The following NRG1 variants were observed in gnomAD, a reference collection of about 807,000 sequenced individuals.
NRG1 encodes the protein neuregulin 1.
Under a neutral mutation model 63.8 loss-of-function variants are expected in NRG1, and 18 were observed. The observed-to-expected ratio is 0.28, with a 90% confidence interval of 0.19 to 0.42. The LOEUF is 0.42. Ranked by LOEUF, NRG1 falls within the 10% of genes least tolerant of loss-of-function variation. The pLI is 1.00. For missense variants in NRG1, 762 were observed against 814.7 expected (o/e 0.94, Z 0.79); for synonymous variants, 302 against 301.3 (o/e 1.00, Z -0.02).
chr8:32,602,557 T>C (rs1844566159), intron 2 of NRG1, among the ~76,000 whole-genome samples: 1 of 152,108 alleles, frequency 6.6e-6, no homozygotes, highest in Non-Finnish European at 1.5e-5. Context: ...GAGTTGTAAA[T>C]TCTTGGGATG....
intron 6 of NRG1, among the ~76,000 whole-genome samples, chr8:32,737,660 T>A (rs1825410628): frequency 6.6e-6 from 1 of 151,180 alleles, no homozygotes; most frequent in Admixed American, 6.6e-5. Flanking sequence ...ATCAATTAAC[T>A]GTATGACAAT....
chr8:32,050,698 G>T (rs1412028258), intron 1 of NRG1, among the ~76,000 whole-genome samples: 6 of 152,070 alleles, frequency 3.9e-5, no homozygotes, highest in Non-Finnish European at 8.8e-5. Context: ...CTGAGACTAT[G>T]GTGGCCAGTC....
At chr8:32,062,929 G>C (rs1408446380) in intron 1 of NRG1, among the ~76,000 whole-genome samples, 1 of 151,988 alleles carries the variant, frequency 6.6e-6, no homozygotes, top group Admixed American at 6.6e-5. Flanking sequence ...AAAAAACTTT[G>C]AGGACAATCT....
intron 1 of NRG1, among the ~76,000 whole-genome samples, chr8:32,225,546 C>A (rs1563926753): frequency 6.6e-6 from 1 of 151,978 alleles, no homozygotes; most frequent in Non-Finnish European, 1.5e-5. Flanking sequence ...GAGAAGCAAG[C>A]CTTGGAAATA....
intron 1 of NRG1, among the ~76,000 whole-genome samples, chr8:32,011,515 C>T (rs748540272): frequency 1.4e-4 from 21 of 152,186 alleles, no homozygotes; most frequent in South Asian, 4.1e-4. Flanking sequence ...GACTTTAATC[C>T]GCTCTTTTCT....
intron 6 of NRG1, among the ~76,000 whole-genome samples, chr8:32,739,806 G>C (rs1193447795): frequency 6.6e-6 from 1 of 151,984 alleles, no homozygotes; most frequent in East Asian, 1.9e-4. Context: ...ATTGTGTGGT[G>C]TGTGTGTGTG....
rs569138258 is a variant in NRG1, at chr8:31,972,184, C to T, written c.37+332753C>T. Among the ~76,000 whole-genome samples, 3 of 152,246 alleles carry T rather than the reference C, an allele frequency of 2.0e-5. No homozygotes were observed. The South Asian group carries it at 6.2e-4, about 32-fold the overall frequency. ...CAGAGGCTTCTCCCCTTGAGCTGCT[C>T]ACAATTTACCCCTCCTTCTAACTCA... On this transcript the variant is annotated intron_variant, in intron 1 of 10. Coordinates refer to the NRG1 transcript ENST00000519301.
chr8:31,989,713 C>T (rs145545078), intron 1 of NRG1, among the ~76,000 whole-genome samples: 2 of 152,074 alleles, frequency 1.3e-5, no homozygotes, highest in Non-Finnish European at 2.9e-5. Context: ...TCATGCCCTA[C>T]TATTTCTTTT....
intron 1 of NRG1, among the ~76,000 whole-genome samples, chr8:32,062,879 T>G (rs961434219): frequency 5.3e-5 from 8 of 152,070 alleles, no homozygotes; most frequent in African/African-American, 1.2e-4. Flanking sequence ...GGGGTTGAAA[T>G]TGCTCTAATT....
At chr8:31,847,862 T>C (rs1384926952) in intron 1 of NRG1, among the ~76,000 whole-genome samples, 1 of 152,218 alleles carries the variant, frequency 6.6e-6, no homozygotes, top group East Asian at 1.9e-4. Context: ...ACATTGAACA[T>C]AATACCCTGT....
chr8:31,729,332 A>G (rs1279313833), intron 1 of NRG1, among the ~76,000 whole-genome samples: 1 of 152,058 alleles, frequency 6.6e-6, no homozygotes, highest in Non-Finnish European at 1.5e-5. Flanking sequence ...AACATGTATT[A>G]TGCCCACTCA....
chr8:31,934,625 GTTA>G (rs1358354934), intron 1 of NRG1, among the ~76,000 whole-genome samples: 2 of 151,506 alleles, frequency 1.3e-5, no homozygotes, highest in African/African-American at 4.8e-5. Context: ...CAAAATGTTT[GTTA>G]TTATCCACGG....
Position 31,990,556 on chromosome 8 carries a change from A to T in NRG1, c.37+351125A>T, listed in dbSNP as rs537332118. 2.0e-5 allele frequency among the ~76,000 whole-genome samples: 3 copies of T among 152,236 alleles called. No homozygotes were observed. The East Asian group carries it at 5.8e-4, about 29-fold the overall frequency. ...ACACTAAGGTGCAAAGAGTCAATGG[A>T]CAAGCAAAAATGTGTAAGAAGAAAA... On this transcript the variant is annotated intron_variant, in intron 1 of 10. Transcript: ENST00000519301.
At chr8:31,651,801 G>A (rs984335194) in intron 1 of NRG1, among the ~76,000 whole-genome samples, 2 of 151,844 alleles carry the variant, frequency 1.3e-5, no homozygotes, top group Admixed American at 6.6e-5. Context: ...TTTTCCTTCA[G>A]TTTAACGTCT....
At chr8:32,184,995 G>C (rs935909747) in intron 1 of NRG1, among the ~76,000 whole-genome samples, 2 of 152,194 alleles carry the variant, frequency 1.3e-5, no homozygotes, top group African/African-American at 4.8e-5. Context: ...CTGCCTTGTA[G>C]ATGACATTCT....
At chr8:32,750,394 T>C (rs1828456398) in intron 7 of NRG1, among the ~76,000 whole-genome samples, 1 of 152,118 alleles carries the variant, frequency 6.6e-6, no homozygotes, top group Non-Finnish European at 1.5e-5. Context: ...TGAAGACCAG[T>C]CTCTGGGGAG....
At chr8:32,590,622 T>C (rs932532515) in intron 1 of NRG1, among the ~76,000 whole-genome samples, 1 of 152,216 alleles carries the variant, frequency 6.6e-6, no homozygotes, top group South Asian at 2.1e-4. Flanking sequence ...ATAAAGTTAT[T>C]CCTGGGTATT....
intron 5 of NRG1, among the ~76,000 whole-genome samples, chr8:32,691,496 A>C (rs949513561): frequency 6.6e-6 from 1 of 152,202 alleles, no homozygotes; most frequent in Non-Finnish European, 1.5e-5. Flanking sequence ...TTCAAATTGC[A>C]CTAGTCATGC....
At chr8:31,911,027 A>G (rs1247792085) in intron 1 of NRG1, among the ~76,000 whole-genome samples, 1 of 152,154 alleles carries the variant, frequency 6.6e-6, no homozygotes, top group African/African-American at 2.4e-5. Context: ...ACTTCATTGC[A>G]CCAGGAGGAA....
Sources: allele counts gnomAD v4.1 joint callset (sites outside exome capture counted in the v4.1 genomes callset), GRCh38; gene constraint gnomAD v4.1.1; transcripts MANE v1.5; gene names NCBI Gene and HGNC (gene_info 2026-07-23, HGNC 2026-07-21).